MYPN: variants seen among roughly 807,000 people sequenced by gnomAD.
MYPN encodes the protein sarcomeric protein myopalladin, 145 kDa (MYOP).
Under a neutral mutation model 129.4 loss-of-function variants are expected in MYPN, and 63 were observed. The observed-to-expected ratio is 0.49, with a 90% confidence interval of 0.40 to 0.60. The LOEUF is 0.60. Among genes scored for constraint, MYPN ranks in the 20% least tolerant of loss-of-function variants. The pLI is 0.00. For missense variants in MYPN, 1,596 were observed against 1,635.4 expected (o/e 0.98, Z 0.42); for synonymous variants, 629 against 600.9 (o/e 1.05, Z -0.68).
chr10:68,145,696 G>C (rs1426235804), intron 4 of MYPN, among the ~76,000 whole-genome samples, 170 bp downstream of exon 4: 1 of 152,162 alleles, frequency 6.6e-6, no homozygotes, highest in East Asian at 1.9e-4. Context: ...ATTTGAAGAA[G>C]ACCCTACTTT....
At chr10:68,141,700 G>A (rs565591276) in intron 2 of MYPN, among the ~76,000 whole-genome samples, 4 of 152,112 alleles carry the variant, frequency 2.6e-5, no homozygotes, top group South Asian at 2.1e-4. Context: ...CAAACAACAC[G>A]AACATATCTT....
At chr10:68,111,583 A>AT (rs770522064) in intron 1 of MYPN, among the ~76,000 whole-genome samples, 15 of 152,202 alleles carry the variant, frequency 9.9e-5, no homozygotes, top group Non-Finnish European at 1.9e-4. Flanking sequence ...AACATTACCC[A>AT]TTTGCTTAAA....
At chr10:68,136,840 A>G in intron 2 of MYPN, 1 of 1,211,796 alleles carries the variant, frequency 8.3e-7, no homozygotes, top group Non-Finnish European at 1.1e-6. Flanking sequence ...TCAAGTTAAT[A>G]GAGTTACATT....
chr10:68,195,048 AT>A (rs2043581471), intron 14 of MYPN, among the ~76,000 whole-genome samples: 1 of 152,242 alleles, frequency 6.6e-6, no homozygotes, highest in South Asian at 2.1e-4. Context: ...AACATCTTCA[AT>A]TACTATTTGA....
At position 68,122,028 on chromosome 10, in the gene MYPN, C is replaced by A. The variant is rs1176104534; in HGVS notation, c.590C>A (p.Ser197Tyr). ...AACAAAGTTATGCAGGAAAACAGCT[C>A]CAGTTTCTCAGATCTGTCAGAAAGA... ...SQNKVMQENS[S>Y]SFSDLSERRE... is the part of the protein sequence containing the mutation. The change falls in exon 2 of 20, where the codon TCC (serine) becomes TAC (tyrosine). Residue 197 changes from serine to tyrosine, a missense_variant. Transcript: ENST00000358913. 1 of 1,614,074 alleles carries A rather than the reference C, an allele frequency of 6.2e-7. No individual in the cohort carries two copies. Among genetic ancestry groups the A allele is most frequent in the Non-Finnish European group, 8.5e-7 (1 of 1,180,044 alleles).
upstream of MYPN, among the ~76,000 whole-genome samples, chr10:68,108,811 T>G (rs2042043421): frequency 6.6e-6 from 1 of 152,160 alleles, no homozygotes; most frequent in South Asian, 2.1e-4. Context: ...AACCTCTACC[T>G]CCCCGGTTCA....
chr10:68,173,964 G>A (rs1160282371), intron 10 of MYPN, 102 bp from the exon 11 acceptor site: 12 of 996,036 alleles, frequency 1.2e-5, no homozygotes, highest in African/African-American at 9.6e-5. Flanking sequence ...ACCATGCCCC[G>A]CCTATCATCA....
rs1310564820 is a variant in MYPN, at chr10:68,109,601, C to A, written c.-124C>A. 2 of 454,068 alleles carry A rather than the reference C, an allele frequency of 4.4e-6. No homozygotes were observed. The highest frequency in any genetic ancestry group is 8.8e-6 in the Non-Finnish European group (2 of 226,796). The allele number at this position is 454,068 out of a possible 1,614,324, so 28.1% of individuals were successfully genotyped here. On this transcript the variant is annotated 5_prime_UTR_variant, in exon 1 of 20. Coordinates refer to ENST00000358913, the MANE Select transcript of MYPN (RefSeq NM_032578.4). ...TCTATGGACGGCTACTCTCTATTTCCAAGGGCGTGAAGAATTTCCCTCTTC... is the reference window on the plus strand; with the variant it reads ...TCTATGGACGGCTACTCTCTATTTCAAAGGGCGTGAAGAATTTCCCTCTTC...
At position 68,122,016 on chromosome 10, in the gene MYPN, A is replaced by G. The variant is rs573684358; in HGVS notation, c.578A>G (p.Gln193Arg). The G allele has an allele frequency of 1.1e-4, 185 of 1,614,246 alleles. 2 individuals are homozygous for G. The South Asian group carries it at 1.5e-3, about 13-fold the overall frequency. ...CTGGAATCTCAAAACAAAGTTATGCAGGAAAACAGCTCCAGTTTCTCAGAT... is the reference window on the plus strand; with the variant it reads ...CTGGAATCTCAAAACAAAGTTATGCGGGAAAACAGCTCCAGTTTCTCAGAT... ...SKLESQNKVM[Q>R]ENSSSFSDLS... Residue 193 changes from glutamine (Q) to arginine (R), a missense_variant, in exon 2 of 20, where the codon CAG becomes CGG. Physicochemically the swap from Gln to Arg is conservative, Grantham distance 43. Transcript: ENST00000358913.
chr10:68,155,266 T>C (rs1361727113), intron 6 of MYPN, among the ~76,000 whole-genome samples: 1 of 152,168 alleles, frequency 6.6e-6, no homozygotes, highest in Non-Finnish European at 1.5e-5. Flanking sequence ...CATTACTTTG[T>C]GACTTCAGAG....
Position 68,175,564 on chromosome 10 carries a change from T to C in MYPN, c.2703+103T>C, listed in dbSNP as rs567074711. The C allele has an allele frequency of 3.8e-5, 49 of 1,287,674 alleles. No homozygotes were observed. The Middle Eastern group carries it at 5.6e-4, about 15-fold the overall frequency. The allele number at this position is 1,287,674 out of a possible 1,614,324, so 79.8% of individuals were successfully genotyped here. A position where few individuals can be genotyped will look rare whatever the true frequency, so the allele number is the denominator to read the frequency against. On this transcript the variant is annotated intron_variant, in intron 12 of 19. Transcript: ENST00000358913. ...ACTCAGGTAACCTCAGTGAGGCTGA[T>C]GTTGCAGCTCAGATGGTAGAGCACA...
intron 8 of MYPN, among the ~76,000 whole-genome samples, chr10:68,164,170 T>A (rs2043020444): frequency 6.6e-6 from 1 of 152,182 alleles, no homozygotes; most frequent in African/African-American, 2.4e-5. Flanking sequence ...AACAGGGATT[T>A]ATTTCTTACA....
At chr10:68,145,815 T>G (rs2042656598) in intron 4 of MYPN, among the ~76,000 whole-genome samples, 1 of 152,212 alleles carries the variant, frequency 6.6e-6, no homozygotes, top group Admixed American at 6.5e-5. Flanking sequence ...CTTGAAATGA[T>G]AATTTGCTTC....
At chr10:68,139,019 A>C (rs113771356) in intron 2 of MYPN, among the ~76,000 whole-genome samples, 1,769 of 152,242 alleles carry the variant, frequency 0.012, 17 homozygotes, top group Non-Finnish European at 0.019. Context: ...TCTTCCATGC[A>C]GTCTTAGGTG....
chr10:68,210,577 A>T lies in MYPN; in HGVS notation c.*122A>T. ...GTTCCCACACTGCTGGACCTGTGGC[A>T]AAGAGTGCTTTGAATAAGTCAGCTA... On this transcript the variant is annotated 3_prime_UTR_variant, in exon 20 of 20. Transcript: ENST00000358913. 1 of 1,183,364 alleles carries T rather than the reference A, an allele frequency of 8.5e-7. No individual in the cohort carries two copies. The highest frequency in any genetic ancestry group is 2.6e-4 in the Middle Eastern group (1 of 3,832). The allele number at this position is 1,183,364 out of a possible 1,614,324, so 73.3% of individuals were successfully genotyped here.
chr10:68,211,767 A>T lies in MYPN; in HGVS notation c.*1312A>T. 2.2e-6 allele frequency: 1 copy of T among 454,114 alleles called. No homozygotes were observed. The highest frequency in any genetic ancestry group is 1.6e-5 in the South Asian group (1 of 64,478). The allele number at this position is 454,114 out of a possible 1,614,324, so 28.1% of individuals were successfully genotyped here. On this transcript the variant is annotated 3_prime_UTR_variant, in exon 20 of 20. Coordinates refer to ENST00000358913, the MANE Select transcript of MYPN (RefSeq NM_032578.4). ...TATATTCTGCAGGAATATGCCACCCACACACCAGTCCAAACACTGCCCTGG... is the reference window on the plus strand; with the variant it reads ...TATATTCTGCAGGAATATGCCACCCTCACACCAGTCCAAACACTGCCCTGG...
At chr10:68,136,769 T>A (rs1208529068) in intron 2 of MYPN, 3 of 1,512,276 alleles carry the variant, frequency 2.0e-6, no homozygotes, top group African/African-American at 2.8e-5. Context: ...ATTTAGATAA[T>A]CCTATAATGT....
intron 1 of MYPN, among the ~76,000 whole-genome samples, chr10:68,099,137 T>A (rs900324490): frequency 5.1e-4 from 77 of 152,322 alleles, no homozygotes; most frequent in Admixed American, 3.5e-3. Context: ...TAAGTCTCAT[T>A]TGGCACACAT....
intron 12 of MYPN, among the ~76,000 whole-genome samples, chr10:68,184,352 A>G (rs2043386580): frequency 6.6e-6 from 1 of 152,224 alleles, no homozygotes; most frequent in East Asian, 1.9e-4. Flanking sequence ...AAAGGATCGG[A>G]TGCATGAATG....
Sources: allele counts gnomAD v4.1 joint callset (sites outside exome capture counted in the v4.1 genomes callset), GRCh38; gene constraint gnomAD v4.1.1; transcripts MANE v1.5; gene names NCBI Gene and HGNC (gene_info 2026-07-23, HGNC 2026-07-21).